SHANK2: variants seen among roughly 807,000 people sequenced by gnomAD.
SHANK2 encodes the protein SH3 and multiple ankyrin repeat domains protein 2.
In SHANK2, 43 loss-of-function variants were observed where a neutral mutation model predicts 133.7. That is an observed-to-expected ratio of 0.32 (90% CI 0.25 to 0.41). The LOEUF (loss-of-function observed/expected upper bound fraction) is 0.41, where lower values mean the gene tolerates loss of function less well. SHANK2 is among the 10% of genes least tolerant of loss of function. The probability of loss-of-function intolerance (pLI) is 1.00; values close to 1 mark genes in which losing one functional copy is unlikely to be tolerated. For missense variants in SHANK2, 1,994 were observed against 2,235.8 expected, an observed-to-expected ratio of 0.89 and a Z score of 2.18; for synonymous variants, 1,017 against 952.8, an observed-to-expected ratio of 1.07 and a Z score of -1.24.
chr11:70,853,663 C>T (rs1949125865), intron 11 of SHANK2, among the ~76,000 whole-genome samples: 1 of 152,192 alleles, frequency 6.6e-6, no homozygotes, highest in African/African-American at 2.4e-5. Context: ...CAGGATGCGT[C>T]CCATGTTCCT....
At chr11:70,713,874 A>ACAGGTGAAGAAGCT (rs1945851822) in intron 14 of SHANK2, among the ~76,000 whole-genome samples, 1 of 152,242 alleles carries the variant, frequency 6.6e-6, no homozygotes, top group African/African-American at 2.4e-5. Context: ...CCTCTGCTGT[A>ACAGGTGAAGAAGCT]CAGGTGAAGA....
rs548768427 is a variant in SHANK2 at position 70,751,546 on chromosome 11, T to C, written c.1777+46897A>G. 1.6e-4 allele frequency among the ~76,000 whole-genome samples: 24 copies of C among 152,330 alleles called. 1 individual carries two copies. The South Asian group carries it at 1.7e-3, about 11-fold the overall frequency. ...AATGCTTGGAATGGAATGGATATGATACCAGAGAGCCTTTGAAAGTCAGGA... is the reference window on the plus strand; with the variant it reads ...AATGCTTGGAATGGAATGGATATGACACCAGAGAGCCTTTGAAAGTCAGGA... On this transcript the variant is annotated intron_variant, in intron 14 of 25. Coordinates refer to ENST00000601538, the MANE Select transcript of SHANK2 (RefSeq NM_012309.5).
At chr11:70,643,529 G>A (rs2061216016) in intron 17 of SHANK2, among the ~76,000 whole-genome samples, 1 of 145,360 alleles carries the variant, frequency 6.9e-6, no homozygotes, top group Non-Finnish European at 1.5e-5. Context: ...ACGCGCCACT[G>A]CACTCCAGCC....
chr11:70,815,860 C>T (rs543901476), intron 12 of SHANK2, among the ~76,000 whole-genome samples: 4 of 152,298 alleles, frequency 2.6e-5, no homozygotes, highest in South Asian at 4.1e-4. Flanking sequence ...TTTGGGTCAG[C>T]GTTTAGGCAA....
intron 21 of SHANK2, among the ~76,000 whole-genome samples, chr11:70,492,801 T>G (rs1375037181): frequency 2.8e-5 from 4 of 143,614 alleles, no homozygotes; most frequent in Admixed American, 2.8e-4. Context: ...TTTTTTTTTT[T>G]TTTTTTTTTT....
At position 70,485,182 on chromosome 11, in the gene SHANK2, AC is replaced by A; in HGVS notation, c.4979+131del. 1.4e-6 allele frequency: 1 copy of A among 740,458 alleles called. No individual in the cohort carries two copies. The highest frequency in any genetic ancestry group is 2.3e-6 in the Non-Finnish European group (1 of 426,314). The allele number at this position is 740,458 out of a possible 1,614,324, so 45.9% of individuals were successfully genotyped here. A position where few individuals can be genotyped will look rare whatever the true frequency, so the allele number is the denominator to read the frequency against. ...GAGAAAAAGAAGTGTTACTGCATTA[AC>A]AGACGTGGCCCACACAGGCTTTACG... On this transcript the variant is annotated intron_variant, in intron 25 of 25. Transcript: ENST00000601538. The surrounding 1 kb of genome is among the most constrained non-coding windows in gnomAD (Gnocchi z 5.8).
intron 17 of SHANK2, among the ~76,000 whole-genome samples, chr11:70,632,766 G>T (rs2061013569): frequency 6.6e-6 from 1 of 152,120 alleles, no homozygotes; most frequent in Non-Finnish European, 1.5e-5. Context: ...GGCTGCAGAA[G>T]AACATACTAA....
intron 17 of SHANK2, among the ~76,000 whole-genome samples, chr11:70,536,257 G>C (rs2136000833): frequency 6.6e-6 from 1 of 152,380 alleles, no homozygotes; most frequent in African/African-American, 2.4e-5. Context: ...TGGGCCAGCT[G>C]TAAGTGGCGG....
chr11:70,811,640 T>TCCAA (rs1254780139), intron 12 of SHANK2, among the ~76,000 whole-genome samples: 2 of 147,922 alleles, frequency 1.4e-5, no homozygotes, highest in East Asian at 4.0e-4. Flanking sequence ...CATCCACTCA[T>TCCAA]CCATCCATCC....
At chr11:70,766,458 G>T (rs1947126168) in intron 14 of SHANK2, among the ~76,000 whole-genome samples, 1 of 152,118 alleles carries the variant, frequency 6.6e-6, no homozygotes, top group Admixed American at 6.5e-5. Flanking sequence ...GGGAGGAAGG[G>T]GTCTCTTCTT....
intron 10 of SHANK2, among the ~76,000 whole-genome samples, chr11:70,912,271 C>T (rs1406787372): frequency 4.6e-5 from 7 of 151,992 alleles, no homozygotes; most frequent in African/African-American, 1.7e-4. Context: ...TAAAATCATG[C>T]TTATGGGGTA....
At chr11:70,772,036 G>C (rs1400255299) in intron 14 of SHANK2, among the ~76,000 whole-genome samples, 5 of 152,122 alleles carry the variant, frequency 3.3e-5, no homozygotes, top group African/African-American at 1.2e-4. Flanking sequence ...TGAGACCCCG[G>C]GCAAAATGAC....
At chr11:70,815,990 C>T (rs2135319839) in intron 12 of SHANK2, among the ~76,000 whole-genome samples, 1 of 152,362 alleles carries the variant, frequency 6.6e-6, no homozygotes, top group African/African-American at 2.4e-5. Context: ...TCCCCTGCTT[C>T]TTAGCCCACA....
intron 8 of SHANK2, among the ~76,000 whole-genome samples, chr11:71,090,575 C>A (rs1555093750): frequency 1.7e-5 from 1 of 60,534 alleles, no homozygotes; most frequent in East Asian, 5.0e-4. Context: ...TGTCCTGCTG[C>A]TTCTACATTC....
chr11:70,889,497 G>A (rs1300530854), intron 11 of SHANK2, among the ~76,000 whole-genome samples: 6 of 152,214 alleles, frequency 3.9e-5, no homozygotes, highest in Non-Finnish European at 5.9e-5. Context: ...GCAGGCCCAC[G>A]AAAGATGTGG....
At chr11:70,846,758 C>T (rs950061518) in intron 11 of SHANK2, among the ~76,000 whole-genome samples, 2 of 152,116 alleles carry the variant, frequency 1.3e-5, no homozygotes, top group African/African-American at 2.4e-5. Context: ...GCCAGTGCTC[C>T]GAGGTCTATG....
At chr11:70,908,368 G>C (rs1398512356) in intron 10 of SHANK2, among the ~76,000 whole-genome samples, 2 of 152,168 alleles carry the variant, frequency 1.3e-5, no homozygotes, top group Non-Finnish European at 2.9e-5. Context: ...CAGCAGACCA[G>C]GCTGGCTTCC....
chr11:70,844,980 C>T (rs1948973066), intron 11 of SHANK2, among the ~76,000 whole-genome samples: 1 of 151,820 alleles, frequency 6.6e-6, no homozygotes, highest in African/African-American at 2.4e-5. Flanking sequence ...ATGGGTGGAT[C>T]ACGAGGTTAG....
At chr11:70,587,773 C>A (rs2060274000) in intron 17 of SHANK2, among the ~76,000 whole-genome samples, 1 of 147,044 alleles carries the variant, frequency 6.8e-6, no homozygotes, top group South Asian at 2.2e-4. Flanking sequence ...GGCGAGATCA[C>A]AGCTCACTGC....
Sources: allele counts gnomAD v4.1 joint callset (sites outside exome capture counted in the v4.1 genomes callset), GRCh38; gene constraint gnomAD v4.1.1; non-coding constraint Gnocchi (gnomAD v3.1); transcripts MANE v1.5; gene names NCBI Gene and HGNC (gene_info 2026-07-23, HGNC 2026-07-21).